The following ATP8A2 variants were observed in gnomAD, a reference collection of about 807,000 sequenced individuals.
ATP8A2 encodes the protein ATPase phospholipid transporting 8A2.
ATP8A2 carries 100 observed loss-of-function variants against 165.6 expected under a neutral mutation model. The ratio of observed to expected loss-of-function variants is 0.60; its 90% CI spans 0.51 to 0.71. The LOEUF is 0.71. Among genes scored for constraint, ATP8A2 ranks in the 30% least tolerant of loss-of-function variants. The probability of loss-of-function intolerance (pLI) is 0.00; values close to 1 mark genes in which losing one functional copy is unlikely to be tolerated. For missense variants in ATP8A2, 1,227 were observed against 1,479.5 expected (o/e 0.83, Z 2.80); for synonymous variants, 543 against 548.8 (o/e 0.99, Z 0.15).
At chr13:25,660,305 G>A (rs1331641483) in intron 24 of ATP8A2, among the ~76,000 whole-genome samples, 1 of 152,122 alleles carries the variant, frequency 6.6e-6, no homozygotes, top group Admixed American at 6.5e-5. Flanking sequence ...GGGCCCCAAA[G>A]TCCAATGGTA....
At chr13:25,717,564 T>C (rs1168101849) in intron 25 of ATP8A2, among the ~76,000 whole-genome samples, 6 of 152,188 alleles carry the variant, frequency 3.9e-5, no homozygotes, top group Non-Finnish European at 1.5e-5. Context: ...GCTACTTTAA[T>C]GTACTTCTTT....
At chr13:25,726,040 G>A (rs1462259563) in intron 25 of ATP8A2, among the ~76,000 whole-genome samples, 1 of 152,232 alleles carries the variant, frequency 6.6e-6, no homozygotes, top group Non-Finnish European at 1.5e-5. Context: ...TATGTAGATA[G>A]ACACGCATTC....
intron 33 of ATP8A2, among the ~76,000 whole-genome samples, chr13:25,873,418 T>G (rs1201353120): frequency 6.6e-6 from 1 of 152,250 alleles, no homozygotes; most frequent in Admixed American, 6.5e-5. Flanking sequence ...TGTGTCACAC[T>G]GCAACCAGCT....
intron 2 of ATP8A2, among the ~76,000 whole-genome samples, chr13:25,493,642 C>T (rs2036590520): frequency 1.3e-5 from 2 of 152,084 alleles, no homozygotes; most frequent in Admixed American, 1.3e-4. Flanking sequence ...ATATGCTGGT[C>T]TAGACAGAGC....
At chr13:25,590,482 T>C (rs538808435) in intron 24 of ATP8A2, among the ~76,000 whole-genome samples, 2 of 152,330 alleles carry the variant, frequency 1.3e-5, no homozygotes, top group East Asian at 3.9e-4. Flanking sequence ...AATTCTCTGA[T>C]GTCCCAATGC....
intron 24 of ATP8A2, among the ~76,000 whole-genome samples, chr13:25,597,960 T>C (rs1359218390): frequency 2.0e-5 from 3 of 152,148 alleles, no homozygotes; most frequent in African/African-American, 7.2e-5. Flanking sequence ...GTACTTACTC[T>C]AGGACTGGGA....
intron 1 of ATP8A2, among the ~76,000 whole-genome samples, chr13:25,459,923 T>G (rs2035460957): frequency 6.6e-6 from 1 of 152,104 alleles, no homozygotes; most frequent in Non-Finnish European, 1.5e-5. Context: ...AGGACAAGGT[T>G]GGATGCAGTG....
intron 2 of ATP8A2, among the ~76,000 whole-genome samples, chr13:25,515,613 C>G (rs1209323384): frequency 3.3e-5 from 5 of 152,214 alleles, no homozygotes; most frequent in South Asian, 4.1e-4. Flanking sequence ...TGATTCCATT[C>G]CTAGTTGTGT....
intron 24 of ATP8A2, among the ~76,000 whole-genome samples, chr13:25,662,724 A>G (rs1385793970): frequency 6.6e-6 from 1 of 152,228 alleles, no homozygotes; most frequent in Admixed American, 6.5e-5. Context: ...TTTTTAGGCT[A>G]CAGATGGTCC....
chr13:25,647,559 ATGTGT>A (rs2041704918), intron 24 of ATP8A2, among the ~76,000 whole-genome samples: 1 of 152,092 alleles, frequency 6.6e-6, no homozygotes, highest in Admixed American at 6.6e-5. Flanking sequence ...TTTGATTATT[ATGTGT>A]GTTAGTGAAT....
intron 33 of ATP8A2, among the ~76,000 whole-genome samples, chr13:25,900,100 G>A (rs1953690597): frequency 6.6e-6 from 1 of 152,164 alleles, no homozygotes; most frequent in Non-Finnish European, 1.5e-5. Flanking sequence ...CCTGCAGGCT[G>A]GCCATTCCTC....
At chr13:25,398,342 T>A (rs1033898) in intron 1 of ATP8A2, among the ~76,000 whole-genome samples, 127,658 of 151,796 alleles carry the variant, frequency 0.84, 53,871 homozygotes, top group East Asian at 0.96. Flanking sequence ...ATGATGGTCA[T>A]TTGCGCCTAA....
At position 25,372,431 on chromosome 13, in the gene ATP8A2, C is replaced by G. The variant is rs2032443115; in HGVS notation, c.76+143C>G. 1 of 548,224 alleles carries G rather than the reference C, an allele frequency of 1.8e-6. No individual in the cohort carries two copies. Among genetic ancestry groups the G allele is most frequent in the East Asian group, 3.9e-5 (1 of 25,348 alleles). The allele number at this position is 548,224 out of a possible 1,614,324, so 34.0% of individuals were successfully genotyped here. On this transcript the variant is annotated intron_variant, in intron 1 of 36. Coordinates refer to ENST00000381655, the MANE Select transcript of ATP8A2 (RefSeq NM_016529.6). The surrounding 1 kb of genome is among the most constrained non-coding windows in gnomAD (Gnocchi z 4.8). ...GGGCTCTCTGGGCTGCAGGATCCGC[C>G]GACGCGGCGCGCTGGCCGCACGGGG...
chr13:25,798,337 G>A (rs560707873), intron 27 of ATP8A2, among the ~76,000 whole-genome samples: 5 of 152,254 alleles, frequency 3.3e-5, no homozygotes, highest in South Asian at 2.1e-4. Flanking sequence ...GTGTCATCTC[G>A]TTCTCTAAGA....
intron 26 of ATP8A2, among the ~76,000 whole-genome samples, chr13:25,773,573 C>A (rs1229654865): frequency 6.6e-6 from 1 of 152,210 alleles, no homozygotes; most frequent in Non-Finnish European, 1.5e-5. Flanking sequence ...CATCACATCA[C>A]TCCCAGCTTG....
chr13:25,759,477 A>T (rs2044335332), intron 25 of ATP8A2, among the ~76,000 whole-genome samples: 1 of 152,142 alleles, frequency 6.6e-6, no homozygotes, highest in South Asian at 2.1e-4. Context: ...GAGGTCAGGC[A>T]CACTATTTTG....
At chr13:26,003,338 A>C (rs1956673748) in intron 35 of ATP8A2, among the ~76,000 whole-genome samples, 1 of 131,928 alleles carries the variant, frequency 7.6e-6, no homozygotes. Flanking sequence ...TCTTTTAAGA[A>C]ATGTCTATTC....
chr13:25,404,495 G>A (rs2033735824), intron 1 of ATP8A2, among the ~76,000 whole-genome samples: 1 of 152,084 alleles, frequency 6.6e-6, no homozygotes, highest in African/African-American at 2.4e-5. Context: ...TTGGAGAGTG[G>A]TCATAGTGAG....
At chr13:25,528,057 C>T (rs2037898096) in intron 2 of ATP8A2, among the ~76,000 whole-genome samples, 1 of 152,054 alleles carries the variant, frequency 6.6e-6, no homozygotes, top group Admixed American at 6.5e-5. Flanking sequence ...TCCTCTAAGC[C>T]ATAGTTAAGA....
Sources: gnomAD v4.1 joint callset for allele counts (sites outside exome capture counted in the v4.1 genomes callset) on GRCh38, gnomAD v4.1.1 for gene constraint, Gnocchi (gnomAD v3.1) non-coding constraint, MANE v1.5 for transcripts, NCBI Gene and HGNC (gene_info 2026-07-23, HGNC 2026-07-21) for gene names.